Variants in BTD observed in about 807,000 individuals in gnomAD.
BTD encodes biotinidase.
A neutral mutation model predicts 17.7 loss-of-function variants in BTD; 13 were observed. The ratio of observed to expected loss-of-function variants is 0.74; its 90% CI spans 0.48 to 1.17. BTD has a LOEUF of 1.17. Among genes scored for constraint, BTD ranks in the 50% most tolerant of loss-of-function variants. The pLI, the probability that BTD is intolerant of heterozygous loss-of-function variation, is 0.00. For missense variants in BTD, 674 were observed against 650.4 expected (o/e 1.04, Z -0.39); for synonymous variants, 240 against 245.2 (o/e 0.98, Z 0.20).
intron 1 of BTD, chr3:15,631,485 C>T: frequency 1.3e-6 from 2 of 1,534,476 alleles, no homozygotes; most frequent in Non-Finnish European, 1.7e-6. Context: ...TAAGATGAAT[C>T]ATTTAGCAAG....
intron 4 of BTD, among the ~76,000 whole-genome samples, chr3:15,718,431 G>GT (rs1236012227): frequency 6.6e-6 from 1 of 152,124 alleles, no homozygotes; most frequent in Admixed American, 6.5e-5. Flanking sequence ...TATTAAGGAG[G>GT]TAACTTCAAA....
intron 2 of BTD, among the ~76,000 whole-genome samples, chr3:15,640,631 TCTG>T: frequency 6.6e-6 from 1 of 152,152 alleles, no homozygotes; most frequent in East Asian, 1.9e-4. Flanking sequence ...GCTCAGGTGA[TCTG>T]CCCACCTGGG....
chr3:15,685,095 A>T, intron 3 of BTD: 1 of 830,934 alleles, frequency 1.2e-6, no homozygotes, highest in Non-Finnish European at 1.9e-6. Flanking sequence ...TATTATTAGT[A>T]CGTGAGCCTA....
intron 1 of BTD, among the ~76,000 whole-genome samples, chr3:15,617,853 A>G (rs2064836927): frequency 6.6e-6 from 1 of 152,176 alleles, no homozygotes; most frequent in East Asian, 1.9e-4. Flanking sequence ...TGATTACTAC[A>G]GTTTTATAAT....
At chr3:15,683,740 A>G (rs958038994) in intron 3 of BTD, 1 of 152,188 alleles carries the variant, frequency 6.6e-6, no homozygotes, top group African/African-American at 2.4e-5. Flanking sequence ...TATCTCAGAA[A>G]TACTTGTGGA....
chr3:15,705,710 T>C (rs1032651894), intron 3 of BTD, among the ~76,000 whole-genome samples: 6 of 152,176 alleles, frequency 3.9e-5, no homozygotes, highest in African/African-American at 1.4e-4. Flanking sequence ...CCTTTAAGAT[T>C]AGAATTTTAG....
rs562462991 is a variant in BTD at position 15,649,134 on chromosome 3, T to A, written c.*3646T>A. Among the ~76,000 whole-genome samples the A allele has an allele frequency of 1.3e-5, 2 of 152,308 alleles. No homozygotes were observed. Among genetic ancestry groups the A allele is most frequent in the East Asian group, 3.9e-4 (2 of 5,190 alleles). On this transcript the variant is annotated 3_prime_UTR_variant, in exon 4 of 4. Coordinates refer to ENST00000643237, the MANE Select transcript of BTD (RefSeq NM_001370658.1). ...AGACCTAGGAAACAAATACAGAGGATCACTTGCAAAATGGCCCATTCACAC... is the reference window on the plus strand; with the variant it reads ...AGACCTAGGAAACAAATACAGAGGAACACTTGCAAAATGGCCCATTCACAC...
At chr3:15,685,729 A>C (rs1046500025) in intron 3 of BTD, among the ~76,000 whole-genome samples, 1 of 152,220 alleles carries the variant, frequency 6.6e-6, no homozygotes, top group East Asian at 1.9e-4. Flanking sequence ...TAAAGTGTAT[A>C]AGAAAATAAG....
At chr3:15,614,564 G>A (rs1229985133) in intron 1 of BTD, among the ~76,000 whole-genome samples, 1 of 147,698 alleles carries the variant, frequency 6.8e-6, no homozygotes, top group East Asian at 2.0e-4. Context: ...GCCACAAAAT[G>A]TCTCCATTTG....
chr3:15,691,313 C>T (rs191425621), intron 3 of BTD, among the ~76,000 whole-genome samples: 8 of 152,018 alleles, frequency 5.3e-5, no homozygotes, highest in South Asian at 2.1e-4. Context: ...TTAGTAGAAA[C>T]GGGGTTTCAC....
At chr3:15,707,714 C>G (rs2071646169) in intron 3 of BTD, among the ~76,000 whole-genome samples, 1 of 152,166 alleles carries the variant, frequency 6.6e-6, no homozygotes, top group Non-Finnish European at 1.5e-5. Flanking sequence ...TCCACCAGAT[C>G]AGCTAGTAAG....
At chr3:15,658,978 C>A (rs1217779594) in intron 3 of BTD, among the ~76,000 whole-genome samples, 1 of 152,168 alleles carries the variant, frequency 6.6e-6, no homozygotes, top group Non-Finnish European at 1.5e-5. Flanking sequence ...CCTGCTGCCT[C>A]CCACTGATCA....
intron 1 of BTD, among the ~76,000 whole-genome samples, chr3:15,608,749 A>G (rs1461771504): frequency 6.7e-6 from 1 of 149,588 alleles, no homozygotes; most frequent in Non-Finnish European, 1.5e-5. Flanking sequence ...CTGGCGACAG[A>G]GCGAGACTCC....
chr3:15,629,019 C>T (rs1489068604), intron 1 of BTD, among the ~76,000 whole-genome samples: 1 of 152,114 alleles, frequency 6.6e-6, no homozygotes, highest in African/African-American at 2.4e-5. Flanking sequence ...TGACCTGCAT[C>T]AAATTGTTTA....
At chr3:15,691,636 A>T (rs546441866) in intron 3 of BTD, among the ~76,000 whole-genome samples, 2 of 152,344 alleles carry the variant, frequency 1.3e-5, no homozygotes, top group South Asian at 4.1e-4. Context: ...GGCCTCACTG[A>T]TCTCTTTATA....
chr3:15,701,193 C>A (rs2070550697), intron 3 of BTD, among the ~76,000 whole-genome samples: 1 of 152,174 alleles, frequency 6.6e-6, no homozygotes, highest in African/African-American at 2.4e-5. Flanking sequence ...ACACTTATTT[C>A]TTTAAATGCT....
intron 3 of BTD, among the ~76,000 whole-genome samples, chr3:15,660,065 A>T (rs1157208612): frequency 6.6e-6 from 1 of 152,250 alleles, no homozygotes; most frequent in Non-Finnish European, 1.5e-5. Context: ...CTTAGGTGTC[A>T]GGCACTTCCC....
chr3:15,654,691 C>T (rs1301557609), downstream of BTD, among the ~76,000 whole-genome samples: 1 of 151,992 alleles, frequency 6.6e-6, no homozygotes, highest in Non-Finnish European at 1.5e-5. Context: ...CCTTCCTCAG[C>T]CTCCTGAATA....
chr3:15,660,965 TAATG>T (rs1317474344), intron 3 of BTD, among the ~76,000 whole-genome samples: 4 of 152,010 alleles, frequency 2.6e-5, no homozygotes, highest in Admixed American at 2.6e-4. Context: ...TTCCCACCAG[TAATG>T]AATGAGTTCC....
Sources: gnomAD v4.1 joint callset for allele counts (sites outside exome capture counted in the v4.1 genomes callset) on GRCh38, gnomAD v4.1.1 for gene constraint, MANE v1.5 for transcripts, NCBI Gene and HGNC (gene_info 2026-07-23, HGNC 2026-07-21) for gene names.